Variants in KAT6A observed in about 807,000 individuals in gnomAD.
KAT6A encodes the protein lysine acetyltransferase 6A.
A neutral mutation model predicts 198.4 loss-of-function variants in KAT6A; 9 were observed. The ratio of observed to expected loss-of-function variants is 0.05; its 90% CI spans 0.03 to 0.08. The LOEUF is 0.08. Among genes scored for constraint, KAT6A ranks in the 10% least tolerant of loss-of-function variants. KAT6A has a pLI of 1.00. For missense variants in KAT6A, 2,077 were observed against 2,509.9 expected (o/e 0.83, Z 3.69); for synonymous variants, 890 against 883.0 (o/e 1.01, Z -0.14).
intron 2 of KAT6A, among the ~76,000 whole-genome samples, chr8:42,008,276 C>T (rs986597569): frequency 1.2e-4 from 18 of 152,222 alleles, no homozygotes; most frequent in African/African-American, 4.3e-4. Flanking sequence ...TTAGGATAAT[C>T]CAAAGCTAAC....
At chr8:41,947,995 G>T in intron 10 of KAT6A, 83 bp from the exon 11 acceptor site, 1 of 1,134,538 alleles carries the variant, frequency 8.8e-7, no homozygotes. Flanking sequence ...AGCATCTCTA[G>T]ATATCCACAG....
rs1202869660 is a variant in KAT6A at position 42,014,332 on chromosome 8, G to A, written c.601-26769C>T. 2.0e-5 allele frequency among the ~76,000 whole-genome samples: 3 copies of A among 152,138 alleles called. No homozygotes were observed. In the East Asian group the frequency reaches 5.8e-4, roughly 29 times the overall value. ...GTTCCATACACAGTACAAAGCAAAA[G>A]AATTTCTGGGCCATACTCTGTAATC... On this transcript the variant is annotated intron_variant, in intron 2 of 16. Transcript: ENST00000265713.
At chr8:41,952,798 G>C (rs1822730840) in intron 9 of KAT6A, among the ~76,000 whole-genome samples, 1 of 152,060 alleles carries the variant, frequency 6.6e-6, no homozygotes, top group African/African-American at 2.4e-5. Context: ...GTCACCTCAA[G>C]TTTCAAGCTC....
chr8:41,985,575 C>A (rs944973491), intron 3 of KAT6A, among the ~76,000 whole-genome samples: 6 of 152,142 alleles, frequency 3.9e-5, no homozygotes, highest in Non-Finnish European at 7.3e-5. Flanking sequence ...GTAATGATGG[C>A]CAAACTTAGC....
chr8:42,014,042 G>A (rs912077922), intron 2 of KAT6A, among the ~76,000 whole-genome samples: 1 of 151,998 alleles, frequency 6.6e-6, no homozygotes, highest in Non-Finnish European at 1.5e-5. Context: ...TTTACTTATG[G>A]ACACTGAAAT....
At chr8:41,985,168 T>C (rs1824544924) in intron 3 of KAT6A, among the ~76,000 whole-genome samples, 1 of 152,078 alleles carries the variant, frequency 6.6e-6, no homozygotes, top group Non-Finnish European at 1.5e-5. Flanking sequence ...TTTTATATAT[T>C]TGGGTTTTAA....
At chr8:42,017,816 T>A (rs76713180) in intron 2 of KAT6A, among the ~76,000 whole-genome samples, 112 of 152,222 alleles carry the variant, frequency 7.4e-4, no homozygotes, top group Non-Finnish European at 1.4e-3. Flanking sequence ...AGAGGGAAGC[T>A]CTCAAAGTAC....
rs532218882 is a variant in KAT6A at position 41,959,468 on chromosome 8, A to G, written c.1483-4057T>C. Among the ~76,000 whole-genome samples, 153 of 152,348 alleles carry G rather than the reference A, an allele frequency of 1.0e-3. 1 individual carries two copies. Among genetic ancestry groups the G allele is most frequent in the Non-Finnish European group, 1.3e-3 (91 of 68,032 alleles). ...ATGATGGTTCCTCAAAAAAGTAAACAGAATTACCACATAATCTAGCAATTC... is the reference window on the plus strand; with the variant it reads ...ATGATGGTTCCTCAAAAAAGTAAACGGAATTACCACATAATCTAGCAATTC... On this transcript the variant is annotated intron_variant, in intron 8 of 16. Transcript: ENST00000265713.
At chr8:41,943,159 C>T (rs754129430) in intron 13 of KAT6A, among the ~76,000 whole-genome samples, 159 bp from the exon 14 acceptor site, 2 of 152,212 alleles carry the variant, frequency 1.3e-5, no homozygotes, top group African/African-American at 2.4e-5. Flanking sequence ...CCACATGAGA[C>T]GGCCAGGAGT....
In KAT6A at chr8:41,941,282, G is replaced by A. The variant is rs998720218; in HGVS notation, c.2599C>T (p.Arg867Cys). 2.0e-5 allele frequency: 32 copies of A among 1,613,698 alleles called. No homozygotes were observed. Among genetic ancestry groups the A allele is most frequent in the Non-Finnish European group, 2.4e-5 (28 of 1,179,970 alleles). Residue 867 changes from arginine (R) to cysteine (C), a missense_variant, in exon 15 of 17, where the codon CGC (arginine) becomes TGC (cysteine). Physicochemically the swap from Arg to Cys is radical, Grantham distance 180. Coordinates refer to ENST00000265713, the MANE Select transcript of KAT6A (RefSeq NM_006766.5). Reference protein sequence around the residue: ...PANSQPSRRGRWGRKNRKTQE... With the variant: ...PANSQPSRRGCWGRKNRKTQE... Reference sequence around the variant, plus strand: ...GTTTTTCTGTTCTTCCTCCCCCAGCGGCCCCTCCGAGATGGCTGGCTATTT... The same window carrying A: ...GTTTTTCTGTTCTTCCTCCCCCAGCAGCCCCTCCGAGATGGCTGGCTATTT...
intron 8 of KAT6A, among the ~76,000 whole-genome samples, chr8:41,967,933 G>A (rs936490001): frequency 3.3e-5 from 5 of 152,048 alleles, no homozygotes; most frequent in Non-Finnish European, 7.4e-5. Flanking sequence ...GTAGAAAGCT[G>A]AAACTGGATC....
intron 2 of KAT6A, among the ~76,000 whole-genome samples, chr8:42,007,507 T>C (rs1825805251): frequency 6.6e-6 from 1 of 152,218 alleles, no homozygotes. Context: ...AGACAGTGAC[T>C]GGTCCAGAGC....
Position 41,942,997 on chromosome 8 carries a change from A to G in KAT6A, c.2232T>C (p.Phe744=), listed in dbSNP as rs1822213913. 1 of 1,613,910 alleles carries G rather than the reference A, an allele frequency of 6.2e-7. No homozygotes were observed. The highest frequency in any genetic ancestry group is 1.3e-5 in the African/African-American group (1 of 74,910). ...LRMLDFRSDQ[F]VIIRREKLIQ... is the part of the protein sequence containing the mutation. Reference sequence around the variant, plus strand: ...TAAGTTTTTCCCGGCGGATAATCACAAATCTGGAACCAGAGAAAAGTTTAT... The same window carrying G: ...TAAGTTTTTCCCGGCGGATAATCACGAATCTGGAACCAGAGAAAAGTTTAT... Residue 744 remains phenylalanine (F), a synonymous_variant, in exon 14 of 17, where the codon TTT becomes TTC. Coordinates refer to ENST00000265713, the MANE Select transcript of KAT6A (RefSeq NM_006766.5).
At chr8:42,045,256 A>G (rs540893852) in intron 2 of KAT6A, among the ~76,000 whole-genome samples, 7 of 152,330 alleles carry the variant, frequency 4.6e-5, no homozygotes, top group African/African-American at 9.6e-5. Context: ...CAACATGTCT[A>G]AATTTAGTTA....
In KAT6A at chr8:41,934,606, T is replaced by C. The variant is rs754427391; in HGVS notation, c.3614A>G (p.Gln1205Arg). 3 of 1,614,102 alleles carry C rather than the reference T, an allele frequency of 1.9e-6. No homozygotes were observed. In the East Asian group the frequency reaches 6.7e-5, roughly 36 times the overall value. ...IPKAGRKPKI[Q>R]ESEETVEPKE... ...TGGCTCAACAGTTTCTTCACTCTCC[T>C]GGATCTTGGGTTTACGTCCAGCTTT... The change falls in exon 17 of 17, where the codon CAG becomes CGG. Residue 1205 changes from glutamine (Q) to arginine (R), a missense_variant. Around this residue, in one of 13 missense-constraint regions of KAT6A, gnomAD observed 375 missense variants for 383.0 expected, o/e 0.98. Coordinates refer to ENST00000265713, the MANE Select transcript of KAT6A (RefSeq NM_006766.5).
In KAT6A at chr8:42,041,459, G is replaced by A. The variant is rs12678310; in HGVS notation, c.600+6919C>T. Among the ~76,000 whole-genome samples the A allele has an allele frequency of 7.2e-5, 11 of 152,144 alleles. No individual in the cohort carries two copies. The South Asian group carries it at 8.3e-4, about 11-fold the overall frequency. On this transcript the variant is annotated intron_variant, in intron 2 of 16. Coordinates refer to ENST00000265713, the MANE Select transcript of KAT6A (RefSeq NM_006766.5). ...ATGTCAGAAATGTACGGCATGGGCC[G>A]GGCATGGTGGCTGACGCCTGTAATC... is the stretch of plus-strand genomic sequence containing the variant.
At position 41,942,820 on chromosome 8, in the gene KAT6A, C is replaced by A. The variant is rs1339009390; in HGVS notation, c.2409G>T (p.Gln803His). 1 of 1,614,172 alleles carries A rather than the reference C, an allele frequency of 6.2e-7. No individual in the cohort carries two copies. Among genetic ancestry groups the A allele is most frequent in the Admixed American group, 1.7e-5 (1 of 60,028 alleles). Residue 803 changes from glutamine to histidine, a missense_variant, in exon 14 of 17, where the codon CAG (glutamine) becomes CAT (histidine). Gln to His is a conservative substitution (Grantham distance 24, BLOSUM62 0). Transcript: ENST00000265713. ...TGATCTCTAATTCTCTTTCCTGGCA[C>A]TGTGGCTCTTCGTTTTCTCCTTCCT... Reference protein sequence around the residue: ...EAEEGENEEPQCQERELEISV... With the variant: ...EAEEGENEEPHCQERELEISV...
chr8:41,974,964 T>G, intron 7 of KAT6A, 142 bp from the exon 8 acceptor site: 1 of 462,632 alleles, frequency 2.2e-6, no homozygotes, highest in South Asian at 5.1e-5. Flanking sequence ...AGAAGAATGC[T>G]ACTCAATAAA....
At chr8:41,999,271 G>A (rs79640230) in intron 2 of KAT6A, among the ~76,000 whole-genome samples, 15,708 of 152,130 alleles carry the variant, frequency 0.1, 1,048 homozygotes, top group East Asian at 0.24. Context: ...TCCTTTCACA[G>A]GTTTAGTGGT....
Sources: allele counts gnomAD v4.1 joint callset (sites outside exome capture counted in the v4.1 genomes callset), GRCh38; gene constraint gnomAD v4.1.1; regional missense constraint gnomAD v4.1.1; transcripts MANE v1.5; gene names NCBI Gene and HGNC (gene_info 2026-07-23, HGNC 2026-07-21).